Variants in RGS6 observed in about 807,000 individuals in gnomAD.
The protein encoded by RGS6 is regulator of G-protein signaling 6.
Under a neutral mutation model 78.5 loss-of-function variants are expected in RGS6, and 30 were observed. That is an observed-to-expected ratio of 0.38 (90% CI 0.29 to 0.52). The LOEUF (loss-of-function observed/expected upper bound fraction) is 0.52, where lower values mean the gene tolerates loss of function less well. Ranked by LOEUF, RGS6 falls within the 20% of genes least tolerant of loss-of-function variation. The probability of loss-of-function intolerance (pLI) is 0.85; values close to 1 mark genes in which losing one functional copy is unlikely to be tolerated. For missense variants in RGS6, 495 were observed against 609.7 expected (o/e 0.81, Z 1.98); for synonymous variants, 206 against 206.0 (o/e 1.00, Z 0.00).
chr14:71,873,768 G>A, the RGS6 span, among the ~76,000 whole-genome samples: 4 of 152,144 alleles, frequency 2.6e-5, no homozygotes, highest in Non-Finnish European at 5.9e-5. Flanking sequence ...GGTTTTTATG[G>A]TTTTAGGTCT....
At chr14:72,547,765 C>G (rs1416317213) in intron 17 of RGS6, among the ~76,000 whole-genome samples, 1 of 152,060 alleles carries the variant, frequency 6.6e-6, no homozygotes, top group Non-Finnish European at 1.5e-5. Flanking sequence ...TTCTTCCATG[C>G]CCCCTAATCA....
intron 15 of RGS6, among the ~76,000 whole-genome samples, chr14:72,529,108 T>A (rs1319129435): frequency 6.6e-6 from 1 of 152,218 alleles, no homozygotes; most frequent in Non-Finnish European, 1.5e-5. Flanking sequence ...CACAGTTCAA[T>A]AACTGGATCA....
At chr14:72,186,540 T>C (rs1046053978) in intron 2 of RGS6, among the ~76,000 whole-genome samples, 1 of 152,150 alleles carries the variant, frequency 6.6e-6, no homozygotes, top group Admixed American at 6.5e-5. Context: ...TGGCCAACTT[T>C]GAGTGTGCTG....
intron 3 of RGS6, among the ~76,000 whole-genome samples, chr14:72,405,489 C>A (rs1251582868): frequency 1.3e-5 from 2 of 152,214 alleles, no homozygotes; most frequent in African/African-American, 4.8e-5. Flanking sequence ...TGTAGCTCCA[C>A]CCATAACAGT....
chr14:72,601,751 C>A, the RGS6 span, among the ~76,000 whole-genome samples: 77 of 152,362 alleles, frequency 5.1e-4, no homozygotes, highest in Admixed American at 2.2e-3. Context: ...ATAAAACTCT[C>A]CTCCATACTG....
rs1234605206 is a variant in RGS6 at position 72,510,051 on chromosome 14, T to C, written c.966-103T>C. ...GCCCCTTAAATATGAGATGTTTCCC[T>C]TTGGTGAGTGACTGCAAAACAGACT... On this transcript the variant is annotated intron_variant, in intron 13 of 17. Coordinates refer to ENST00000553525, the MANE Select transcript of RGS6 (RefSeq NM_001204424.2). 18 of 1,337,448 alleles carry C rather than the reference T, an allele frequency of 1.3e-5. 1 individual carries two copies. The Admixed American group carries it at 3.6e-4, about 27-fold the overall frequency. The allele number at this position is 1,337,448 out of a possible 1,614,324, so 82.8% of individuals were successfully genotyped here.
At chr14:71,990,614 A>C (rs1173568662) in intron 2 of RGS6, 1 of 456,022 alleles carries the variant, frequency 2.2e-6, no homozygotes, top group South Asian at 1.5e-5. Flanking sequence ...CAATCTCTGC[A>C]TATTCCTTCT....
At chr14:72,210,983 A>T (rs1337300067) in intron 2 of RGS6, among the ~76,000 whole-genome samples, 1 of 152,220 alleles carries the variant, frequency 6.6e-6, no homozygotes, top group African/African-American at 2.4e-5. Flanking sequence ...GACATTTTTC[A>T]TCTTGTGTCA....
intron 3 of RGS6, among the ~76,000 whole-genome samples, chr14:72,380,771 A>T (rs538433848): frequency 6.6e-6 from 1 of 152,258 alleles, no homozygotes; most frequent in African/African-American, 2.4e-5. Context: ...AGGTTCCTCA[A>T]AACACTAAAA....
At chr14:72,579,148 G>A in the RGS6 span, among the ~76,000 whole-genome samples, 1 of 152,042 alleles carries the variant, frequency 6.6e-6, no homozygotes. Context: ...AGATCTAACT[G>A]ACTGGGTACT....
At chr14:72,613,275 C>T in the RGS6 span, among the ~76,000 whole-genome samples, 5 of 152,164 alleles carry the variant, frequency 3.3e-5, no homozygotes, top group Non-Finnish European at 5.9e-5. Flanking sequence ...CCCGTCCCCA[C>T]CATGGCCGCG....
intron 17 of RGS6, among the ~76,000 whole-genome samples, chr14:72,545,974 G>C (rs539279679): frequency 1.3e-5 from 2 of 152,118 alleles, no homozygotes; most frequent in Non-Finnish European, 2.9e-5. Context: ...CGGTGTTGCC[G>C]CATCACTGCA....
intron 3 of RGS6, among the ~76,000 whole-genome samples, chr14:72,431,456 G>T (rs993664518): frequency 6.6e-6 from 1 of 152,210 alleles, no homozygotes; most frequent in African/African-American, 2.4e-5. Flanking sequence ...ATATTCAAGT[G>T]ATTCTCATGC....
chr14:72,061,431 G>A (rs961969721), intron 2 of RGS6, among the ~76,000 whole-genome samples: 2 of 152,046 alleles, frequency 1.3e-5, no homozygotes, highest in Non-Finnish European at 2.9e-5. Context: ...GAGAAGATGT[G>A]TTTGCATAAT....
chr14:71,976,290 T>A (rs2094123928), intron 2 of RGS6, among the ~76,000 whole-genome samples: 1 of 151,666 alleles, frequency 6.6e-6, no homozygotes, highest in East Asian at 1.9e-4. Context: ...CTTTAAGTTT[T>A]AGGGTACATG....
the RGS6 span, among the ~76,000 whole-genome samples, chr14:71,885,832 CTGTTTAATACTAGTGGAA>C: frequency 8.5e-4 from 128 of 151,326 alleles, 1 homozygote; most frequent in Non-Finnish European, 1.6e-3. Context: ...GTGTCTCTCT[CTGTTTAATACTAGTGGAA>C]AGCTGTTTAA....
chr14:72,030,884 T>C (rs9944137), intron 2 of RGS6, among the ~76,000 whole-genome samples: 90,225 of 152,048 alleles, frequency 0.59, 26,925 homozygotes, highest in Middle Eastern at 0.67. Flanking sequence ...AATAAAGCAA[T>C]ATTTAATTGG....
intron 3 of RGS6, among the ~76,000 whole-genome samples, chr14:72,372,013 G>A (rs1455796631): frequency 2.0e-5 from 3 of 152,106 alleles, no homozygotes; most frequent in Non-Finnish European, 2.9e-5. Flanking sequence ...TAACAAAATC[G>A]TGTTTCTGAC....
intron 3 of RGS6, among the ~76,000 whole-genome samples, chr14:72,432,226 A>G (rs1224488101): frequency 6.6e-6 from 1 of 152,180 alleles, no homozygotes; most frequent in African/African-American, 2.4e-5. Context: ...GGCAAGGGTA[A>G]TTTCCTCCTC....
Sources: allele counts gnomAD v4.1 joint callset (sites outside exome capture counted in the v4.1 genomes callset), GRCh38; gene constraint gnomAD v4.1.1; transcripts MANE v1.5; gene names NCBI Gene and HGNC (gene_info 2026-07-23, HGNC 2026-07-21).